Variants in DGCR2 observed in about 807,000 individuals in gnomAD.
DGCR2 encodes the protein integral membrane protein DGCR2/IDD.
DGCR2 carries 24 observed loss-of-function variants against 51.6 expected under a neutral mutation model. The observed-to-expected ratio is 0.47, with a 90% confidence interval of 0.34 to 0.65. The LOEUF (loss-of-function observed/expected upper bound fraction) is 0.65. DGCR2 is among the 30% of genes least tolerant of loss of function. DGCR2 has a pLI of 0.01. For missense variants in DGCR2, 765 were observed against 772.1 expected (o/e 0.99, Z 0.11); for synonymous variants, 340 against 315.4 (o/e 1.08, Z -0.82).
chr22:19,041,121 C>T lies in DGCR2; in HGVS notation c.1333G>A (p.Asp445Asn), dbSNP rs376303668. The change falls in exon 9 of 10, where the codon GAC becomes AAC. Residue 445 changes from aspartate to asparagine, a missense_variant. Physicochemically the swap from Asp to Asn is conservative, Grantham distance 23 (BLOSUM62 1). Transcript: ENST00000263196. ...GCCTCGTAGGGCGGCGGAGGGTCGT[C>T]GGGCTGGCCGATGTCCGGGTACTTG... ...AYKYPDIGQP[D>N]DPPPPYEASI... 9.9e-6 allele frequency: 16 copies of T among 1,613,814 alleles called. No homozygotes were observed. The highest frequency in any genetic ancestry group is 1.3e-5 in the African/African-American group (1 of 75,030).
At chr22:19,062,774 T>TATTCTCTCTCTCTCTCTCTCTCTC (rs1569052709) in intron 5 of DGCR2, among the ~76,000 whole-genome samples, 1 of 113,872 alleles carries the variant, frequency 8.8e-6, no homozygotes, top group Admixed American at 9.0e-5. Context: ...CACACATGCA[T>TATTCTCTCTCTCTCTCTCTCTCTC]GCTCACTCTC....
intron 1 of DGCR2, among the ~76,000 whole-genome samples, chr22:19,114,413 G>A (rs1159066393): frequency 6.6e-6 from 1 of 152,244 alleles, no homozygotes; most frequent in Non-Finnish European, 1.5e-5. Flanking sequence ...GGTAGATGGG[G>A]AAATCCGAAG....
At chr22:19,093,802 GC>G (rs1946293610) in intron 1 of DGCR2, among the ~76,000 whole-genome samples, 1 of 151,930 alleles carries the variant, frequency 6.6e-6, no homozygotes, top group Middle Eastern at 3.2e-3. Flanking sequence ...TTCAAAACCA[GC>G]CTGTGCAACA....
At chr22:19,080,352 T>C (rs1359600666) in intron 2 of DGCR2, among the ~76,000 whole-genome samples, 1 of 152,228 alleles carries the variant, frequency 6.6e-6, no homozygotes, top group African/African-American at 2.4e-5. Flanking sequence ...TAATACTTTA[T>C]CTAACCCAAT....
intron 1 of DGCR2, among the ~76,000 whole-genome samples, chr22:19,118,838 G>A (rs1474977667): frequency 6.6e-6 from 1 of 152,212 alleles, no homozygotes; most frequent in Admixed American, 6.5e-5. Context: ...ATCAGCAGTC[G>A]ATGCTGCCTT....
At chr22:19,075,580 C>A (rs1359670925) in intron 2 of DGCR2, among the ~76,000 whole-genome samples, 3 of 152,188 alleles carry the variant, frequency 2.0e-5, no homozygotes. Context: ...TTAAACATTA[C>A]CTCCCAATTT....
Position 19,041,886 on chromosome 22 carries a change from G to A in DGCR2, c.1080C>T (p.Ile360=). The part of the protein sequence containing the change: ...LVVSCISSFL[I]LSLLLFMVHR... Reference sequence around the variant, plus strand: ...GGACCATGAAGAGCAGCAGTGACAGGATGAGGAAGGAGGAGATGCAGCTGA... The same window carrying A: ...GGACCATGAAGAGCAGCAGTGACAGAATGAGGAAGGAGGAGATGCAGCTGA... The change falls in exon 8 of 10, where the codon ATC becomes ATT. Residue 360 remains isoleucine, a synonymous_variant. Coordinates refer to ENST00000263196, the MANE Select transcript of DGCR2 (RefSeq NM_005137.3). 6.2e-7 allele frequency: 1 copy of A among 1,613,696 alleles called. No individual in the cohort carries two copies. Among genetic ancestry groups the A allele is most frequent in the Non-Finnish European group, 8.5e-7 (1 of 1,179,994 alleles).
intron 1 of DGCR2, among the ~76,000 whole-genome samples, chr22:19,096,604 A>ATT (rs371643384): frequency 4.1e-5 from 6 of 145,204 alleles, no homozygotes; most frequent in Non-Finnish European, 6.0e-5. Flanking sequence ...TTAACAAAAA[A>ATT]TTTTTTTAAA....
intron 7 of DGCR2, among the ~76,000 whole-genome samples, chr22:19,044,997 T>G (rs1238939181): frequency 7.3e-5 from 3 of 41,072 alleles, no homozygotes; most frequent in South Asian, 1.1e-3. Flanking sequence ...AATTTGTCTG[T>G]TTTTTTTAAG....
At chr22:19,065,194 A>G (rs2082734907) in intron 3 of DGCR2, 127 bp from the exon 4 acceptor site, 4 of 779,168 alleles carry the variant, frequency 5.1e-6, no homozygotes, top group East Asian at 2.7e-5. Flanking sequence ...CTGAGGCTCA[A>G]GAGGACAAGG....
chr22:19,095,963 GC>G (rs1156598784), intron 1 of DGCR2, among the ~76,000 whole-genome samples: 1 of 152,068 alleles, frequency 6.6e-6, no homozygotes, highest in Non-Finnish European at 1.5e-5. Flanking sequence ...CCATACAGGA[GC>G]TAGGTCCTTT....
At chr22:19,113,034 A>G (rs2800984) in intron 1 of DGCR2, among the ~76,000 whole-genome samples, 23,726 of 145,012 alleles carry the variant, frequency 0.16, 5,541 homozygotes, top group African/African-American at 0.38. Flanking sequence ...CAAACATGCA[A>G]CAGAGAAAGC....
chr22:19,102,858 T>C (rs1422352538), intron 1 of DGCR2, among the ~76,000 whole-genome samples: 1 of 151,852 alleles, frequency 6.6e-6, no homozygotes, highest in Non-Finnish European at 1.5e-5. Context: ...ATAGAAAAAT[T>C]TGCCAGACAC....
Position 19,114,150 on chromosome 22 carries a change from AG to A in DGCR2, c.79+7977del, listed in dbSNP as rs143698069. 1.2e-3 allele frequency among the ~76,000 whole-genome samples: 173 copies of A among 142,500 alleles called. 3 individuals carry two copies. Among genetic ancestry groups the A allele is most frequent in the African/African-American group, 3.6e-3 (140 of 39,320 alleles). The allele number at this position is 142,500 out of a possible 152,430, so 93.5% of individuals were successfully genotyped here. ...TTTCCTCTCCATCTTTTGTTACCAA[AG>A]GAAAAAAAAAAAAAAGAATGAAGTT... On this transcript the variant is annotated intron_variant, in intron 1 of 9. Transcript: ENST00000263196.
At chr22:19,050,060 C>G (rs116008546) in intron 6 of DGCR2, among the ~76,000 whole-genome samples, 1,757 of 152,110 alleles carry the variant, frequency 0.012, 39 homozygotes, top group African/African-American at 0.04. Flanking sequence ...AAAAATTAGT[C>G]GAAGAACTAA....
chr22:19,087,248 A>G (rs2083027192), intron 2 of DGCR2, among the ~76,000 whole-genome samples: 1 of 152,142 alleles, frequency 6.6e-6, no homozygotes, highest in African/African-American at 2.4e-5. Context: ...GCTCCCAGAC[A>G]AAGGACTGTC....
chr22:19,122,259 C>A lies in DGCR2; in HGVS notation c.-53G>T, dbSNP rs2083443801. ...GGCTGGAAGGCCGGACCAGGCCGGA[C>A]TGAGGGTCAGGGGACCGTGCCAAGC... On this transcript the variant is annotated 5_prime_UTR_variant, in exon 1 of 10. Transcript: ENST00000263196. 7.2e-7 allele frequency: 1 copy of A among 1,383,952 alleles called. No homozygotes were observed. Among genetic ancestry groups the A allele is most frequent in the Non-Finnish European group, 9.6e-7 (1 of 1,039,764 alleles). The allele number at this position is 1,383,952 out of a possible 1,614,324, so 85.7% of individuals were successfully genotyped here.
In DGCR2 at chr22:19,041,626, G is replaced by A. The variant is rs1411095632; in HGVS notation, c.1159+181C>T. ...GTTCTGCCCACCCTGTGGCTCAATG[G>A]GAATAAGGAGGGTCTTGGCAAGAAC... is the stretch of plus-strand genomic sequence containing the variant. On this transcript the variant is annotated intron_variant, in intron 8 of 9. Coordinates refer to ENST00000263196, the MANE Select transcript of DGCR2 (RefSeq NM_005137.3). 1.4e-5 allele frequency: 10 copies of A among 723,348 alleles called. No homozygotes were observed. The African/African-American group carries it at 1.4e-4, about 10-fold the overall frequency. 44.8% of individuals were successfully genotyped at this position (723,348 alleles called of 1,614,324 possible). A position where few individuals can be genotyped will look rare whatever the true frequency, so the allele number is the denominator to read the frequency against.
intron 2 of DGCR2, among the ~76,000 whole-genome samples, chr22:19,083,853 C>A (rs889276621): frequency 6.6e-6 from 1 of 151,150 alleles, no homozygotes; most frequent in African/African-American, 2.4e-5. Flanking sequence ...CGAGTGCCTG[C>A]GATTGCAGGC....
Sources: allele counts gnomAD v4.1 joint callset (sites outside exome capture counted in the v4.1 genomes callset), GRCh38; gene constraint gnomAD v4.1.1; transcripts MANE v1.5; gene names NCBI Gene and HGNC (gene_info 2026-07-23, HGNC 2026-07-21).